Variants in LAP3 observed in about 807,000 individuals in gnomAD.
LAP3 encodes leucine aminopeptidase 3, also known as cytosol aminopeptidase.
Under a neutral mutation model 58.8 loss-of-function variants are expected in LAP3, and 46 were observed. The observed-to-expected ratio is 0.78, with a 90% CI of 0.62 to 1.00. The LOEUF is 1.00. Ranked by LOEUF, LAP3 falls within the 50% of genes least tolerant of loss-of-function variation. The pLI is 0.00. For synonymous variants in LAP3, 257 were observed against 237.7 expected (o/e 1.08, Z -0.75); for missense variants, 615 against 659.1 (o/e 0.93, Z 0.73).
In LAP3 at chr4:17,577,336, C is replaced by A. The variant is rs1028052835; in HGVS notation, c.-130C>A. ...TCCGTCCCGCCCCCTAGACGCACGT[C>A]CGCTCGCCCGGCGCCCGAGCCAGTC... On this transcript the variant is annotated 5_prime_UTR_variant, in exon 1 of 13. Transcript: ENST00000226299. 8 of 440,278 alleles carry A rather than the reference C, an allele frequency of 1.8e-5. No homozygotes were observed. The Admixed American group carries it at 2.3e-4, about 13-fold the overall frequency. The allele number at this position is 440,278 out of a possible 1,614,324, so 27.3% of individuals were successfully genotyped here.
chr4:17,587,640 G>A (rs554432151), intron 6 of LAP3: 17 of 152,352 alleles, frequency 1.1e-4, no homozygotes, highest in South Asian at 1.0e-3. Context: ...CCTAGTTACC[G>A]TGGCCAGAAA....
chr4:17,595,686 G>T, intron 8 of LAP3, 152 bp downstream of exon 8: 2 of 900,540 alleles, frequency 2.2e-6, no homozygotes, highest in Non-Finnish European at 3.4e-6. Flanking sequence ...CCAGATAAGT[G>T]TTTTACTGTC....
intron 1 of LAP3, among the ~76,000 whole-genome samples, chr4:17,579,145 T>C (rs552522285): frequency 2.3e-4 from 35 of 152,080 alleles, no homozygotes; most frequent in Non-Finnish European, 4.4e-4. Context: ...CAAAGAACAA[T>C]GCATTGTGGG....
At chr4:17,603,505 CTTTT>C (rs112112721) in intron 10 of LAP3, among the ~76,000 whole-genome samples, 2 of 137,036 alleles carry the variant, frequency 1.5e-5, no homozygotes, top group Non-Finnish European at 1.6e-5. Context: ...AGCAAGAAAT[CTTTT>C]TTTTTTTTTT....
At chr4:17,586,158 C>G (rs141787475) in intron 6 of LAP3, 1 of 152,218 alleles carries the variant, frequency 6.6e-6, no homozygotes, top group African/African-American at 2.4e-5. Flanking sequence ...CGTCCAGTTC[C>G]GTCGCTCTCT....
chr4:17,580,540 A>C (rs1015583439), intron 2 of LAP3, among the ~76,000 whole-genome samples: 2 of 152,032 alleles, frequency 1.3e-5, no homozygotes, highest in African/African-American at 4.8e-5. Context: ...AGATTTCCTC[A>C]GCCCACCCTC....
rs571043405 is a variant in LAP3 at position 17,607,759 on chromosome 4, T to C, written c.*170T>C. On this transcript the variant is annotated 3_prime_UTR_variant, in exon 13 of 13. Coordinates refer to ENST00000226299, the MANE Select transcript of LAP3 (RefSeq NM_015907.3). The stretch of plus-strand genomic sequence containing the variant: ...ATTTTTTTTTCATTTCACACAAAGA[T>C]TTATAAAGGTAAAGTTAATATCTTA... The C allele has an allele frequency of 1.9e-6, 1 of 530,004 alleles. No individual in the cohort carries two copies. The highest frequency in any genetic ancestry group is 3.3e-6 in the Non-Finnish European group (1 of 305,836). 32.8% of individuals were successfully genotyped at this position (530,004 alleles called of 1,614,324 possible).
At chr4:17,600,069 A>G (rs1173370486) in intron 10 of LAP3, among the ~76,000 whole-genome samples, 5 of 152,190 alleles carry the variant, frequency 3.3e-5, no homozygotes, top group African/African-American at 9.7e-5. Context: ...CCAAATCCCA[A>G]TGTTCATAAT....
intron 6 of LAP3, 141 bp downstream of exon 6, chr4:17,585,277 G>A: frequency 3.1e-6 from 2 of 635,028 alleles, no homozygotes; most frequent in South Asian, 1.9e-5. Context: ...CACATGGGGA[G>A]CTGGAATAGA....
chr4:17,589,785 T>C (rs957518702), intron 7 of LAP3, among the ~76,000 whole-genome samples: 4 of 152,228 alleles, frequency 2.6e-5, no homozygotes, highest in African/African-American at 4.8e-5. Flanking sequence ...TTTTCTGCCA[T>C]GCACTTTGCT....
intron 9 of LAP3, among the ~76,000 whole-genome samples, chr4:17,597,833 G>C (rs4698624): frequency 1 from 151,748 of 152,336 alleles, 75,586 homozygotes; most frequent in Middle Eastern, 1. Context: ...GCCCTGCACT[G>C]AAGGGGATGT....
intron 1 of LAP3, 35 bp from the exon 2 acceptor site, chr4:17,579,789 A>T: frequency 2.4e-4 from 249 of 1,041,064 alleles, no homozygotes; most frequent in Non-Finnish European, 3.4e-4. Context: ...ATCTACTCTA[A>T]TTCTATTATA....
At chr4:17,591,099 C>T (rs970764716) in intron 7 of LAP3, among the ~76,000 whole-genome samples, 11 of 150,144 alleles carry the variant, frequency 7.3e-5, no homozygotes, top group South Asian at 2.1e-4. Flanking sequence ...TTTTTTGAGA[C>T]GGAATCTTGC....
At chr4:17,590,376 C>T (rs1217402757) in intron 7 of LAP3, among the ~76,000 whole-genome samples, 1 of 152,078 alleles carries the variant, frequency 6.6e-6, no homozygotes, top group Non-Finnish European at 1.5e-5. Context: ...GTGTGGTCTC[C>T]TTGTGTTAGC....
chr4:17,607,257 G>A, intron 12 of LAP3, 143 bp from the exon 13 acceptor site: 3 of 644,586 alleles, frequency 4.7e-6, no homozygotes, highest in Non-Finnish European at 8.0e-6. Flanking sequence ...TAAATATTCT[G>A]AAACTGATAT....
intron 9 of LAP3, among the ~76,000 whole-genome samples, 192 bp from the exon 10 acceptor site, chr4:17,598,264 G>T (rs1290719490): frequency 1.3e-5 from 2 of 152,160 alleles, no homozygotes; most frequent in African/African-American, 4.8e-5. Flanking sequence ...CTCCCAAGGT[G>T]CTGGGGGATT....
chr4:17,588,102 A>G (rs967832910), intron 6 of LAP3, among the ~76,000 whole-genome samples: 4 of 152,164 alleles, frequency 2.6e-5, no homozygotes, highest in African/African-American at 9.7e-5. Flanking sequence ...ATCGTGGCTC[A>G]CTGCAGCCTT....
Position 17,593,609 on chromosome 4 carries a change from GTTT to G in LAP3, c.864-1783_864-1781del, listed in dbSNP as rs55676326. 6.3e-3 allele frequency among the ~76,000 whole-genome samples: 548 copies of G among 87,598 alleles called. 10 individuals are homozygous for G. Among genetic ancestry groups the G allele is most frequent in the African/African-American group, 0.024 (514 of 21,422 alleles). 57.5% of individuals were successfully genotyped at this position (87,598 alleles called of 152,430 possible). On this transcript the variant is annotated intron_variant, in intron 7 of 12. Transcript: ENST00000226299. ...CATATACATTTTAGAATCTGCTTGG[GTTT>G]TTTTTTTTTTTTTTTTTGAGACAGT...
intron 10 of LAP3, among the ~76,000 whole-genome samples, chr4:17,603,834 C>CT (rs78323653): frequency 0.064 from 2,232 of 34,888 alleles, 71 homozygotes; most frequent in African/African-American, 0.13. Context: ...TTCTTTCTTT[C>CT]TTTTTTTTTT....
Sources: allele counts gnomAD v4.1 joint callset (sites outside exome capture counted in the v4.1 genomes callset), GRCh38; gene constraint gnomAD v4.1.1; transcripts MANE v1.5; gene names NCBI Gene and HGNC (gene_info 2026-07-23, HGNC 2026-07-21).